Variants in SLC24A2 observed in about 807,000 individuals in gnomAD.
The protein encoded by SLC24A2 is sodium/potassium/calcium exchanger 2.
In SLC24A2, 36 loss-of-function variants were observed where a neutral mutation model predicts 62.0. That is an observed-to-expected ratio of 0.58 (90% CI 0.44 to 0.77). SLC24A2 has a LOEUF of 0.77. SLC24A2 is among the 30% of genes least tolerant of loss of function. The probability of loss-of-function intolerance (pLI) is 0.00; values close to 1 mark genes in which losing one functional copy is unlikely to be tolerated. For synonymous variants in SLC24A2, 358 were observed against 294.0 expected, an observed-to-expected ratio of 1.22 and a Z score of -2.23; for missense variants, 846 against 817.9, an observed-to-expected ratio of 1.03 and a Z score of -0.42.
At chr9:19,917,650 T>C in the SLC24A2 span, among the ~76,000 whole-genome samples, 1 of 152,018 alleles carries the variant, frequency 6.6e-6, no homozygotes, top group African/African-American at 2.4e-5. Flanking sequence ...CTTTTGTTGT[T>C]TTTGTTGCTT....
Position 19,587,779 on chromosome 9 carries a change from AAAG to A in SLC24A2, c.1129+9447_1129+9449del, listed in dbSNP as rs1836419136. Among the ~76,000 whole-genome samples the A allele has an allele frequency of 5.3e-5, 8 of 152,322 alleles. No homozygotes were observed. The South Asian group carries it at 1.5e-3, about 28-fold the overall frequency. ...CTCTAGAGATGTCAGTAACACACAA[AAAG>A]AAGCATCCACAATTTGCCTTCTGCT... On this transcript the variant is annotated intron_variant, in intron 5 of 10. Transcript: ENST00000341998.
At chr9:19,713,597 C>T (rs1036233138) in intron 2 of SLC24A2, among the ~76,000 whole-genome samples, 7 of 138,186 alleles carry the variant, frequency 5.1e-5, no homozygotes, top group African/African-American at 1.7e-4. Flanking sequence ...GAGCAAAAGA[C>T]CTTTTGATAA....
At chr9:20,237,695 A>G in the SLC24A2 span, among the ~76,000 whole-genome samples, 1 of 152,060 alleles carries the variant, frequency 6.6e-6, no homozygotes, top group African/African-American at 2.4e-5. Flanking sequence ...TTTGTTTTTA[A>G]TGATTCTTAG....
the SLC24A2 span, among the ~76,000 whole-genome samples, chr9:19,879,885 C>T: frequency 0.013 from 1,946 of 151,998 alleles, 30 homozygotes; most frequent in African/African-American, 0.043. Context: ...TACCTTGATC[C>T]CCTCATTTTT....
chr9:20,225,196 G>A, the SLC24A2 span, among the ~76,000 whole-genome samples: 76 of 152,088 alleles, frequency 5.0e-4, no homozygotes, highest in African/African-American at 1.7e-3. Flanking sequence ...TATGTATATT[G>A]AGTTATAATG....
At chr9:19,765,956 T>C (rs2118872782) in intron 2 of SLC24A2, among the ~76,000 whole-genome samples, 1 of 152,356 alleles carries the variant, frequency 6.6e-6, no homozygotes. Context: ...TTTGTTTTTT[T>C]CACATAGTCC....
the SLC24A2 span, among the ~76,000 whole-genome samples, chr9:19,913,723 T>C: frequency 6.6e-6 from 1 of 152,098 alleles, no homozygotes; most frequent in South Asian, 2.1e-4. Flanking sequence ...CCAGGAACTT[T>C]GCTAGGTATA....
chr9:20,104,671 G>T, the SLC24A2 span, among the ~76,000 whole-genome samples: 1 of 152,082 alleles, frequency 6.6e-6, no homozygotes, highest in Non-Finnish European at 1.5e-5. Context: ...TCACCACCAG[G>T]CCTGCCCTAA....
intron 2 of SLC24A2, among the ~76,000 whole-genome samples, chr9:19,644,658 G>A (rs1341450681): frequency 2.6e-5 from 4 of 151,882 alleles, no homozygotes; most frequent in East Asian, 1.9e-4. Flanking sequence ...TGTTTTCCTC[G>A]CTTGACCTTG....
chr9:19,596,925 G>A (rs1403620618), intron 5 of SLC24A2, among the ~76,000 whole-genome samples: 1 of 152,136 alleles, frequency 6.6e-6, no homozygotes, highest in African/African-American at 2.4e-5. Flanking sequence ...GTGAGCATGT[G>A]GGGGAAAGTA....
the SLC24A2 span, among the ~76,000 whole-genome samples, chr9:19,836,509 C>T: frequency 1.4e-4 from 22 of 152,052 alleles, no homozygotes; most frequent in Non-Finnish European, 2.5e-4. Context: ...ACACATACAC[C>T]CTCCCAAGAC....
At chr9:20,144,280 T>C in the SLC24A2 span, among the ~76,000 whole-genome samples, 1 of 152,326 alleles carries the variant, frequency 6.6e-6, no homozygotes, top group South Asian at 2.1e-4. Flanking sequence ...AACTGTACAA[T>C]AATTTTTTTA....
chr9:19,636,435 C>CTCTTT (rs1818358622), intron 2 of SLC24A2, among the ~76,000 whole-genome samples: 3 of 66,938 alleles, frequency 4.5e-5, no homozygotes, highest in Admixed American at 1.8e-4. Flanking sequence ...CTCTTCTCTT[C>CTCTTT]TCTTTTCTTT....
At chr9:19,543,518 G>A (rs1267510246) in intron 8 of SLC24A2, among the ~76,000 whole-genome samples, 1 of 150,738 alleles carries the variant, frequency 6.6e-6, no homozygotes, top group Non-Finnish European at 1.5e-5. Flanking sequence ...TTTTAATTTT[G>A]ATGTTAGGGT....
chr9:19,892,676 C>G, the SLC24A2 span, among the ~76,000 whole-genome samples: 1 of 152,080 alleles, frequency 6.6e-6, no homozygotes, highest in South Asian at 2.1e-4. Context: ...TTATTATCCA[C>G]TTAATTCACT....
At chr9:19,829,996 T>C in the SLC24A2 span, among the ~76,000 whole-genome samples, 2 of 151,986 alleles carry the variant, frequency 1.3e-5, no homozygotes, top group Non-Finnish European at 2.9e-5. Flanking sequence ...AGTAAATAAA[T>C]ACAACCTGAA....
chr9:19,533,640 T>G (rs1036847260), intron 8 of SLC24A2, among the ~76,000 whole-genome samples: 1 of 152,208 alleles, frequency 6.6e-6, no homozygotes, highest in Non-Finnish European at 1.5e-5. Flanking sequence ...CCAGCTTCAA[T>G]AGCCCTGTAC....
the SLC24A2 span, among the ~76,000 whole-genome samples, chr9:20,175,017 T>TTG: frequency 6.8e-6 from 1 of 147,806 alleles, no homozygotes; most frequent in Non-Finnish European, 1.5e-5. Flanking sequence ...TCTGAATTTT[T>TTG]TATATATATA....
chr9:20,302,559 T>G, the SLC24A2 span, among the ~76,000 whole-genome samples: 1 of 152,230 alleles, frequency 6.6e-6, no homozygotes. Flanking sequence ...GATCTTTGGC[T>G]TATTTTCTAA....
Sources: allele counts gnomAD v4.1 joint callset (sites outside exome capture counted in the v4.1 genomes callset), GRCh38; gene constraint gnomAD v4.1.1; transcripts MANE v1.5; gene names NCBI Gene and HGNC (gene_info 2026-07-23, HGNC 2026-07-21).